BCAS3: variants seen among roughly 807,000 people sequenced by gnomAD.
BCAS3 encodes the protein BCAS4/BCAS3 fusion.
BCAS3 carries 53 observed loss-of-function variants against 116.1 expected under a neutral mutation model. The observed-to-expected ratio is 0.46, with a 90% CI of 0.37 to 0.57. The LOEUF (loss-of-function observed/expected upper bound fraction) is 0.57. BCAS3 is among the 20% of genes least tolerant of loss of function. The pLI is 0.00. For missense variants in BCAS3, 917 were observed against 1,165.4 expected (o/e 0.79, Z 3.10); for synonymous variants, 391 against 408.2 (o/e 0.96, Z 0.51).
intron 22 of BCAS3, among the ~76,000 whole-genome samples, chr17:61,238,122 G>C (rs2083205288): frequency 6.6e-6 from 1 of 152,116 alleles, no homozygotes; most frequent in Non-Finnish European, 1.5e-5. Flanking sequence ...GCACAATCTT[G>C]GCTCACTGCA....
chr17:60,678,383 A>G (rs2032353241), intron 1 of BCAS3, among the ~76,000 whole-genome samples: 1 of 152,134 alleles, frequency 6.6e-6, no homozygotes, highest in Admixed American at 6.5e-5. Context: ...CTACTTAAAA[A>G]TGGTTTTCGG....
At chr17:61,310,530 G>A (rs2144776133) in intron 22 of BCAS3, among the ~76,000 whole-genome samples, 1 of 150,410 alleles carries the variant, frequency 6.6e-6, no homozygotes, top group Admixed American at 6.6e-5. Flanking sequence ...CTCTAGCCTG[G>A]GCGACAGAGT....
chr17:61,298,481 A>G (rs2053137640), intron 22 of BCAS3, among the ~76,000 whole-genome samples: 2 of 152,208 alleles, frequency 1.3e-5, no homozygotes, highest in South Asian at 2.1e-4. Flanking sequence ...GTATGTGGAA[A>G]CTCTTCCAAA....
chr17:60,773,465 G>C (rs1222040594), intron 6 of BCAS3, among the ~76,000 whole-genome samples: 1 of 151,622 alleles, frequency 6.6e-6, no homozygotes, highest in Non-Finnish European at 1.5e-5. Context: ...GCTGATTTTT[G>C]TATTTTTTGT....
intron 17 of BCAS3, among the ~76,000 whole-genome samples, chr17:61,035,400 TG>T (rs2145600112): frequency 1.3e-5 from 2 of 152,038 alleles, no homozygotes; most frequent in African/African-American, 4.8e-5. Context: ...CTGGCCAACA[TG>T]GTGAAACCCC....
intron 23 of BCAS3, among the ~76,000 whole-genome samples, chr17:61,370,652 G>T (rs1038020519): frequency 2.6e-5 from 4 of 152,250 alleles, no homozygotes; most frequent in Non-Finnish European, 4.4e-5. Flanking sequence ...CTCCCAGAGA[G>T]CTGGGATTAC....
At position 61,095,166 on chromosome 17, in the gene BCAS3, G is replaced by A. The variant is rs1197995000; in HGVS notation, c.2425+10602G>A. ...ATATACTTTATCTTTTAGCAGTTAC[G>A]TATTTGAGTTAGACCAACTTTTCTT... On this transcript the variant is annotated intron_variant, in intron 22 of 23. Coordinates refer to ENST00000407086, the MANE Select transcript of BCAS3 (RefSeq NM_017679.5). The surrounding 1 kb of genome is among the most constrained non-coding windows in gnomAD (Gnocchi z 4.7). Among the ~76,000 whole-genome samples, 1 of 152,138 alleles carries A rather than the reference G, an allele frequency of 6.6e-6. No homozygotes were observed. The highest frequency in any genetic ancestry group is 1.5e-5 in the Non-Finnish European group (1 of 68,026).
intron 14 of BCAS3, among the ~76,000 whole-genome samples, chr17:60,963,956 G>GAT (rs2061537439): frequency 6.6e-6 from 1 of 152,146 alleles, no homozygotes; most frequent in African/African-American, 2.4e-5. Context: ...GCCTTTTCTG[G>GAT]ATATAAGATC....
At position 61,333,492 on chromosome 17, in the gene BCAS3, G is replaced by A. The variant is rs1401028999; in HGVS notation, c.2426-34835G>A. Among the ~76,000 whole-genome samples, 1 of 152,074 alleles carries A rather than the reference G, an allele frequency of 6.6e-6. No individual in the cohort carries two copies. The highest frequency in any genetic ancestry group is 1.5e-5 in the Non-Finnish European group (1 of 68,020). On this transcript the variant is annotated intron_variant, in intron 22 of 23. Coordinates refer to ENST00000407086, the MANE Select transcript of BCAS3 (RefSeq NM_017679.5). This position sits in a 1 kb window ranked among gnomAD's most constrained non-coding sequence, Gnocchi z 4.8. ...TGTCCACTCACATTGTGGCGCCCCC[G>A]ACCCTTGCCAATCCCGTGCAAACCA...
intron 22 of BCAS3, among the ~76,000 whole-genome samples, chr17:61,341,660 C>T (rs752431717): frequency 1.3e-5 from 2 of 152,284 alleles, no homozygotes; most frequent in East Asian, 3.9e-4. Context: ...CCTAAAATCA[C>T]ACTCGATTGA....
chr17:61,005,649 G>A (rs1055490236), intron 15 of BCAS3, among the ~76,000 whole-genome samples: 2 of 151,950 alleles, frequency 1.3e-5, no homozygotes, highest in African/African-American at 4.8e-5. Flanking sequence ...GAAGGCGTCC[G>A]TGGGTTGGGG....
chr17:61,220,167 G>A lies in BCAS3; in HGVS notation c.2425+135603G>A, dbSNP rs543880607. 7.9e-5 allele frequency among the ~76,000 whole-genome samples: 12 copies of A among 152,202 alleles called. No individual in the cohort carries two copies. The South Asian group carries it at 1.7e-3, about 21-fold the overall frequency. On this transcript the variant is annotated intron_variant, in intron 22 of 23. Transcript: ENST00000407086. The surrounding 1 kb of genome is among the most constrained non-coding windows in gnomAD (Gnocchi z 4.5). ...AAATTAGCCAGGCGTGGTGGCAGGC[G>A]CCTCTAATCCCAGCTACTCAGGAGG...
In BCAS3 at chr17:61,004,633, T is replaced by C. The variant is rs992530102; in HGVS notation, c.1487-11118T>C. ...AGGATTATGCACAGAAGTAGAAATT[T>C]TGATGGTTCTTACCATGATGAGGTA... is the stretch of plus-strand genomic sequence containing the variant. On this transcript the variant is annotated intron_variant, in intron 15 of 23. Coordinates refer to ENST00000407086, the MANE Select transcript of BCAS3 (RefSeq NM_017679.5). The surrounding 1 kb of genome is among the most constrained non-coding windows in gnomAD (Gnocchi z 4.8). Among the ~76,000 whole-genome samples, 5 of 152,118 alleles carry C rather than the reference T, an allele frequency of 3.3e-5. No homozygotes were observed. The highest frequency in any genetic ancestry group is 4.8e-5 in the African/African-American group (2 of 41,446).
At chr17:60,764,676 A>T (rs1177860872) in intron 6 of BCAS3, among the ~76,000 whole-genome samples, 1 of 152,108 alleles carries the variant, frequency 6.6e-6, no homozygotes, top group Non-Finnish European at 1.5e-5. Context: ...CATTCTGTTG[A>T]TTTGGGGTGG....
At position 61,265,180 on chromosome 17, in the gene BCAS3, G is replaced by A. The variant is rs1476842265; in HGVS notation, c.2426-103147G>A. ...TGTAATCCCAGCACTTTGGGAGCCT[G>A]AGGCAGGCAGATCACCTGAGGTTGC... On this transcript the variant is annotated intron_variant, in intron 22 of 23. Transcript: ENST00000407086. The surrounding 1 kb of genome is among the most constrained non-coding windows in gnomAD (Gnocchi z 4.3). 6.6e-6 allele frequency among the ~76,000 whole-genome samples: 1 copy of A among 152,188 alleles called. No homozygotes were observed. Among genetic ancestry groups the A allele is most frequent in the Non-Finnish European group, 1.5e-5 (1 of 68,020 alleles).
At position 60,990,537 on chromosome 17, in the gene BCAS3, T is replaced by G. The variant is rs1255070400; in HGVS notation, c.1486+302T>G. Among the ~76,000 whole-genome samples, 1 of 152,196 alleles carries G rather than the reference T, an allele frequency of 6.6e-6. No individual in the cohort carries two copies. Among genetic ancestry groups the G allele is most frequent in the African/African-American group, 2.4e-5 (1 of 41,452 alleles). On this transcript the variant is annotated intron_variant, in intron 15 of 23. Coordinates refer to ENST00000407086, the MANE Select transcript of BCAS3 (RefSeq NM_017679.5). The surrounding 1 kb of genome is among the most constrained non-coding windows in gnomAD (Gnocchi z 5.1). ...CAGAGAACTGAACATCCTTTTTACT[T>G]ATCTCTTCCAGAACATTCTATGTTC...
chr17:60,760,489 GT>G (rs376725665), intron 6 of BCAS3, among the ~76,000 whole-genome samples: 3 of 144,326 alleles, frequency 2.1e-5, no homozygotes, highest in Non-Finnish European at 3.0e-5. Flanking sequence ...TGGGTGACAG[GT>G]TTTTTTGTTT....
intron 2 of BCAS3, among the ~76,000 whole-genome samples, chr17:60,680,573 T>G (rs1479142197): frequency 6.6e-6 from 1 of 152,218 alleles, no homozygotes; most frequent in East Asian, 1.9e-4. Context: ...TTGGCATTCT[T>G]TGACAAAGAA....
At chr17:60,898,263 T>C (rs2057642216) in intron 10 of BCAS3, among the ~76,000 whole-genome samples, 1 of 152,202 alleles carries the variant, frequency 6.6e-6, no homozygotes, top group Non-Finnish European at 1.5e-5. Flanking sequence ...GGAGGCATCA[T>C]ATTTTATTTT....
Sources: allele counts gnomAD v4.1 joint callset (sites outside exome capture counted in the v4.1 genomes callset), GRCh38; gene constraint gnomAD v4.1.1; non-coding constraint Gnocchi (gnomAD v3.1); transcripts MANE v1.5; gene names NCBI Gene and HGNC (gene_info 2026-07-23, HGNC 2026-07-21).